ZBTB38: variants seen among roughly 807,000 people sequenced by gnomAD.
ZBTB38 encodes zinc finger and BTB domain containing 38.
A neutral mutation model predicts 76.8 loss-of-function variants in ZBTB38; 20 were observed. That is an observed-to-expected ratio of 0.26 (90% CI 0.18 to 0.38). The LOEUF (loss-of-function observed/expected upper bound fraction) is 0.38. Ranked by LOEUF, ZBTB38 falls within the 10% of genes least tolerant of loss-of-function variation. The pLI is 1.00. For missense variants in ZBTB38, 1,082 were observed against 1,482.3 expected (o/e 0.73, Z 4.43); for synonymous variants, 504 against 544.2 (o/e 0.93, Z 1.03).
At chr3:141,420,482 C>G in intron 5 of ZBTB38, among the ~76,000 whole-genome samples, 1 of 152,194 alleles carries the variant, frequency 6.6e-6, no homozygotes, top group East Asian at 1.9e-4. Flanking sequence ...AGCTTACTTG[C>G]CTTGTGGCCT....
chr3:141,419,965 C>T (rs373978984), intron 5 of ZBTB38, among the ~76,000 whole-genome samples: 1 of 152,032 alleles, frequency 6.6e-6, no homozygotes, highest in Non-Finnish European at 1.5e-5. Flanking sequence ...CCAGCATGGG[C>T]GACAAGAGCA....
chr3:141,328,423 CTCTT>C (rs1363336434), intron 1 of ZBTB38, among the ~76,000 whole-genome samples: 1 of 152,192 alleles, frequency 6.6e-6, no homozygotes, highest in Non-Finnish European at 1.5e-5. Flanking sequence ...TTCTTAATCT[CTCTT>C]TCTGTGAATG....
rs544303700 is a variant in ZBTB38 at position 141,423,379 on chromosome 3, A to G, written c.1-19010A>G. ...AGAGTGAAAAGCAATAGAATGAGAT[A>G]CTACATTTTATCTGTATTATCTCAT... On this transcript the variant is annotated intron_variant, in intron 5 of 5. Transcript: ENST00000321464. 2.0e-5 allele frequency among the ~76,000 whole-genome samples: 3 copies of G among 152,336 alleles called. No individual in the cohort carries two copies. The East Asian group carries it at 5.8e-4, about 29-fold the overall frequency.
rs2079722823 is a variant in ZBTB38, at chr3:141,439,935, A to G, written c.1-2454A>G. ...AGACTTGAAAGAAGGCAAAAGAAAC[A>G]TCAGCAAAGTATGCTATTGATCTGT... On this transcript the variant is annotated intron_variant, in intron 5 of 5. Coordinates refer to ENST00000321464, the MANE Select transcript of ZBTB38 (RefSeq NM_001376113.1). Among the ~76,000 whole-genome samples, 3 of 152,204 alleles carry G rather than the reference A, an allele frequency of 2.0e-5. No homozygotes were observed. The South Asian group carries it at 6.2e-4, about 31-fold the overall frequency.
chr3:141,424,692 T>C (rs1489757434), intron 5 of ZBTB38, among the ~76,000 whole-genome samples: 1 of 152,076 alleles, frequency 6.6e-6, no homozygotes, highest in East Asian at 1.9e-4. Context: ...ATGTAACTGC[T>C]GTCTGAATTA....
At chr3:141,428,619 C>T (rs774917086) in intron 5 of ZBTB38, among the ~76,000 whole-genome samples, 8 of 152,126 alleles carry the variant, frequency 5.3e-5, no homozygotes, top group Admixed American at 2.0e-4. Context: ...TCCCGAGTAG[C>T]TGGGATTACA....
At chr3:141,431,341 A>AAAAATATATATAT in intron 5 of ZBTB38, among the ~76,000 whole-genome samples, 2 of 103,294 alleles carry the variant, frequency 1.9e-5, no homozygotes, top group African/African-American at 1.2e-4. Context: ...AAAAAAAAAA[A>AAAAATATATATAT]ATATATATAT....
At chr3:141,337,565 G>T (rs77630894) in intron 1 of ZBTB38, among the ~76,000 whole-genome samples, 5,466 of 152,308 alleles carry the variant, frequency 0.036, 118 homozygotes, top group Non-Finnish European at 0.045. Context: ...ACAGATCTCT[G>T]AGCCTACTGC....
rs78143611 is a variant in ZBTB38 at position 141,349,431 on chromosome 3, C to T, written c.-738-19190C>T. 1.0e-2 allele frequency among the ~76,000 whole-genome samples: 1,518 copies of T among 152,230 alleles called. 20 individuals are homozygous for T. The highest frequency in any genetic ancestry group is 0.028 in the African/African-American group (1,151 of 41,542). ...GCTAAATCACCACAAGGTTAAATCACCACTAGTAAGCTCATTCCAGGTGCA... is the reference window on the plus strand; with the variant it reads ...GCTAAATCACCACAAGGTTAAATCATCACTAGTAAGCTCATTCCAGGTGCA... On this transcript the variant is annotated intron_variant, in intron 1 of 7. Transcript: ENST00000509842.
At chr3:141,373,455 G>T (rs1254249543) in intron 2 of ZBTB38, among the ~76,000 whole-genome samples, 1 of 152,166 alleles carries the variant, frequency 6.6e-6, no homozygotes, top group East Asian at 1.9e-4. Context: ...AATCCCTGAG[G>T]TTTTAGAATT....
In ZBTB38 at chr3:141,444,114, G is replaced by A. The variant is rs2080763058; in HGVS notation, c.1726G>A (p.Ala576Thr). Reference protein sequence around the residue: ...YRLLPMKCKRAPYKSYRNSSY... With the variant: ...YRLLPMKCKRTPYKSYRNSSY... ...GCTACTGCCTATGAAATGCAAGAGA[G>A]CCCCTTATAAGAGCTACCGAAATTC... The change falls in exon 6 of 6, where the codon GCC (alanine) becomes ACC (threonine). Residue 576 changes from alanine (A) to threonine (T), a missense_variant. Ala to Thr is a moderately conservative substitution (Grantham distance 58). Transcript: ENST00000321464. This position sits in a 1 kb window ranked among gnomAD's most constrained non-coding sequence, Gnocchi z 5.1. 2.5e-6 allele frequency: 4 copies of A among 1,613,912 alleles called. No individual in the cohort carries two copies. Among genetic ancestry groups the A allele is most frequent in the African/African-American group, 1.3e-5 (1 of 74,984 alleles).
At chr3:141,427,866 C>T (rs2076697623) in intron 5 of ZBTB38, 1 of 152,476 alleles carries the variant, frequency 6.6e-6, no homozygotes, top group African/African-American at 2.4e-5. Context: ...CAAATGAAAA[C>T]CCATCTTCCT....
At chr3:141,351,692 C>G (rs1209023130) in intron 1 of ZBTB38, among the ~76,000 whole-genome samples, 2 of 143,332 alleles carry the variant, frequency 1.4e-5, no homozygotes, top group African/African-American at 5.2e-5. Context: ...TGCACTCCAG[C>G]CTGGGTAACA....
intron 5 of ZBTB38, among the ~76,000 whole-genome samples, chr3:141,421,797 T>C (rs1036161027): frequency 2.6e-5 from 4 of 152,236 alleles, no homozygotes; most frequent in African/African-American, 9.6e-5. Context: ...CTGTGCTTTT[T>C]GTTATCTAAA....
At chr3:141,371,226 T>A (rs1369771092) in intron 2 of ZBTB38, among the ~76,000 whole-genome samples, 1 of 151,830 alleles carries the variant, frequency 6.6e-6, no homozygotes. Context: ...CTAATTTTTG[T>A]ATTTTTAGTA....
intron 2 of ZBTB38, among the ~76,000 whole-genome samples, chr3:141,378,742 C>T (rs151087595): frequency 6.6e-6 from 1 of 152,312 alleles, no homozygotes; most frequent in Non-Finnish European, 1.5e-5. Context: ...CTCTGCTTCT[C>T]AGAGACTGAC....
chr3:141,419,461 T>C (rs2074856770), intron 5 of ZBTB38, among the ~76,000 whole-genome samples: 1 of 152,214 alleles, frequency 6.6e-6, no homozygotes, highest in African/African-American at 2.4e-5. Flanking sequence ...TTATATTTGC[T>C]AATGTTTAGA....
chr3:141,368,995 C>CAAA (rs887674425), intron 1 of ZBTB38, among the ~76,000 whole-genome samples, 191 bp downstream of exon 1: 39 of 84,534 alleles, frequency 4.6e-4, no homozygotes, highest in Non-Finnish European at 6.8e-4. Flanking sequence ...GAAAAGAATG[C>CAAA]AAAAAAAAAA....
intron 2 of ZBTB38, among the ~76,000 whole-genome samples, chr3:141,378,711 C>A (rs898268234): frequency 6.6e-6 from 1 of 152,204 alleles, no homozygotes; most frequent in African/African-American, 2.4e-5. Flanking sequence ...TCTACAATGT[C>A]CTGCTGGCTT....
Sources: gnomAD v4.1 joint callset for allele counts (sites outside exome capture counted in the v4.1 genomes callset) on GRCh38, gnomAD v4.1.1 for gene constraint, Gnocchi (gnomAD v3.1) non-coding constraint, MANE v1.5 for transcripts, NCBI Gene and HGNC (gene_info 2026-07-23, HGNC 2026-07-21) for gene names.